RGS22: variants seen among roughly 807,000 people sequenced by gnomAD.
The protein encoded by RGS22 is regulator of G-protein signaling 22.
In RGS22, 148 loss-of-function variants were observed where a neutral mutation model predicts 172.9. The observed-to-expected ratio is 0.86, with a 90% CI of 0.75 to 0.98. RGS22 has a LOEUF of 0.98. RGS22 is among the 50% of genes least tolerant of loss of function. RGS22 has a pLI of 0.00. For synonymous variants in RGS22, 458 were observed against 480.2 expected (o/e 0.95, Z 0.60); for missense variants, 1,347 against 1,440.8 (o/e 0.93, Z 1.05).
At chr8:100,083,165 G>C (rs1045367573) in intron 3 of RGS22, among the ~76,000 whole-genome samples, 1 of 152,154 alleles carries the variant, frequency 6.6e-6, no homozygotes. Flanking sequence ...ATGGTTGCTT[G>C]TCAGCTCATG....
intron 23 of RGS22, among the ~76,000 whole-genome samples, chr8:99,973,892 C>A (rs571312484): frequency 1.4e-4 from 21 of 149,288 alleles, no homozygotes; most frequent in East Asian, 5.9e-4. Flanking sequence ...ACAAAAAAAA[C>A]CCAAAAACCC....
intron 14 of RGS22, 69 bp downstream of exon 14, chr8:100,038,862 A>C: frequency 1.1e-6 from 1 of 934,144 alleles, no homozygotes; most frequent in African/African-American, 1.7e-5. Context: ...CTCGTTTGGG[A>C]CTGGACACAA....
At chr8:100,078,747 C>G (rs1586226471) in intron 4 of RGS22, among the ~76,000 whole-genome samples, 1 of 152,154 alleles carries the variant, frequency 6.6e-6, no homozygotes, top group African/African-American at 2.4e-5. Flanking sequence ...CTACCTCAGC[C>G]TCCTGGGTAG....
At chr8:100,017,968 C>A (rs540732252) in intron 14 of RGS22, among the ~76,000 whole-genome samples, 187 of 152,190 alleles carry the variant, frequency 1.2e-3, no homozygotes, top group African/African-American at 4.1e-3. Flanking sequence ...CAGCTGTGGC[C>A]AACATGAGTC....
rs140463415 is a variant in RGS22, at chr8:100,097,954, C to T, written c.55-4445G>A. Among the ~76,000 whole-genome samples, 32 of 152,298 alleles carry T rather than the reference C, an allele frequency of 2.1e-4. No individual in the cohort carries two copies. In the East Asian group the frequency reaches 5.8e-3, roughly 27 times the overall value. ...TATGGTGAAAGCAATTTGGCTCCTG[C>T]CCACTGTCCAGCCTTATCTCATACT... is the stretch of plus-strand genomic sequence containing the variant. On this transcript the variant is annotated intron_variant, in intron 2 of 27. Coordinates refer to ENST00000360863, the MANE Select transcript of RGS22 (RefSeq NM_015668.5).
intron 21 of RGS22, among the ~76,000 whole-genome samples, chr8:99,987,169 G>A (rs1442278496): frequency 6.6e-6 from 1 of 152,058 alleles, no homozygotes; most frequent in Non-Finnish European, 1.5e-5. Flanking sequence ...TATCATGTTG[G>A]CACTCAAAAA....
At chr8:100,042,136 T>G (rs1337860195) in intron 11 of RGS22, among the ~76,000 whole-genome samples, 1 of 152,150 alleles carries the variant, frequency 6.6e-6, no homozygotes, top group Non-Finnish European at 1.5e-5. Context: ...TAACTGCTGG[T>G]TAGATGAATT....
chr8:99,985,511 C>G (rs2199335), intron 21 of RGS22, among the ~76,000 whole-genome samples: 39,988 of 152,106 alleles, frequency 0.26, 6,720 homozygotes, highest in African/African-American at 0.47. Flanking sequence ...TCAGAACATG[C>G]ATCAGAATCA....
At chr8:99,989,716 G>A (rs1431555398) in intron 20 of RGS22, among the ~76,000 whole-genome samples, 3 of 152,062 alleles carry the variant, frequency 2.0e-5, no homozygotes, top group East Asian at 1.9e-4. Flanking sequence ...GTGGTGGTGC[G>A]TGCCTGTAAT....
intron 23 of RGS22, 121 bp from the exon 24 acceptor site, chr8:99,965,551 G>A (rs1006630560): frequency 4.7e-6 from 3 of 632,852 alleles, no homozygotes; most frequent in Non-Finnish European, 5.3e-6. Context: ...CTGCACTTAA[G>A]GTTTCATCAA....
At chr8:100,050,705 A>C (rs958839051) in intron 10 of RGS22, 1 of 151,918 alleles carries the variant, frequency 6.6e-6, no homozygotes, top group East Asian at 1.9e-4. Flanking sequence ...AGGGTTATTT[A>C]TTTCTTCTCT....
chr8:100,009,246 C>T (rs1816085516), intron 14 of RGS22, among the ~76,000 whole-genome samples: 1 of 151,944 alleles, frequency 6.6e-6, no homozygotes. Context: ...GGTGAACCCC[C>T]ATCTCTACTA....
intron 9 of RGS22, among the ~76,000 whole-genome samples, chr8:100,054,126 G>C (rs1320257306): frequency 6.6e-6 from 1 of 152,176 alleles, no homozygotes; most frequent in Non-Finnish European, 1.5e-5. Context: ...TAATTGGATA[G>C]ATATCATGGT....
intron 9 of RGS22, among the ~76,000 whole-genome samples, chr8:100,058,477 G>A (rs1433234161): frequency 6.6e-6 from 1 of 152,060 alleles, no homozygotes; most frequent in African/African-American, 2.4e-5. Flanking sequence ...ACAATATACA[G>A]GGAGCTCTAA....
intron 9 of RGS22, among the ~76,000 whole-genome samples, chr8:100,059,908 T>C (rs569143861): frequency 3.3e-5 from 5 of 152,346 alleles, no homozygotes; most frequent in African/African-American, 1.2e-4. Context: ...TTTAATAAAA[T>C]AGAGATGGAG....
chr8:100,079,245 T>C (rs1407438900), intron 4 of RGS22, among the ~76,000 whole-genome samples: 1 of 152,234 alleles, frequency 6.6e-6, no homozygotes, highest in Non-Finnish European at 1.5e-5. Flanking sequence ...TAGCGCAGAA[T>C]ATATATCCTT....
At chr8:100,051,865 G>GTTTATATA (rs1251469282) in intron 10 of RGS22, among the ~76,000 whole-genome samples, 2 of 34,740 alleles carry the variant, frequency 5.8e-5, no homozygotes, top group East Asian at 1.3e-3. Flanking sequence ...ATATATAAAT[G>GTTTATATA]TTTATATATT....
intron 2 of RGS22, among the ~76,000 whole-genome samples, chr8:100,100,555 G>A (rs984028799): frequency 7.2e-5 from 11 of 152,160 alleles, no homozygotes; most frequent in African/African-American, 2.7e-4. Flanking sequence ...CTCCCAAAGT[G>A]CTGGGGTTAC....
At chr8:100,005,953 T>C (rs1396350318) in intron 16 of RGS22, 64 bp downstream of exon 16, 8 of 1,175,982 alleles carry the variant, frequency 6.8e-6, no homozygotes, top group African/African-American at 1.5e-5. Context: ...CCCTGCCCCA[T>C]ACATAAAGTG....
Sources: allele counts gnomAD v4.1 joint callset (sites outside exome capture counted in the v4.1 genomes callset), GRCh38; gene constraint gnomAD v4.1.1; transcripts MANE v1.5; gene names NCBI Gene and HGNC (gene_info 2026-07-23, HGNC 2026-07-21).